The following NHLRC3 variants were observed in gnomAD, a reference collection of about 807,000 sequenced individuals.
The protein encoded by NHLRC3 is NHL repeat containing 3, also known as NHL repeat-containing protein 3.
Under a neutral mutation model 32.0 loss-of-function variants are expected in NHLRC3, and 23 were observed. The ratio of observed to expected loss-of-function variants is 0.72; its 90% CI spans 0.52 to 1.02. The LOEUF (loss-of-function observed/expected upper bound fraction) is 1.02. NHLRC3 is among the 50% of genes least tolerant of loss of function. NHLRC3 has a pLI of 0.00. For synonymous variants in NHLRC3, 159 were observed against 147.9 expected (o/e 1.08, Z -0.55); for missense variants, 407 against 406.8 (o/e 1.00, Z -0.01).
Position 39,038,990 on chromosome 13 carries a change from C to T in NHLRC3, c.85-146C>T. On this transcript the variant is annotated intron_variant, in intron 1 of 6. Coordinates refer to ENST00000379600, the MANE Select transcript of NHLRC3 (RefSeq NM_001012754.4). ...TCGTGTTGGTCTTTAGGCATCTAAG[C>T]TCATTTCTTTGGAATTATTTCAGTC... 1.3e-5 allele frequency: 9 copies of T among 682,484 alleles called. No individual in the cohort carries two copies. In the South Asian group the frequency reaches 1.7e-4, roughly 13 times the overall value. The allele number at this position is 682,484 out of a possible 1,614,324, so 42.3% of individuals were successfully genotyped here.
rs1257250553 is a variant in NHLRC3 at position 39,039,571 on chromosome 13, A to G, written c.245A>G (p.Asp82Gly). Residue 82 changes from aspartate to glycine, a missense_variant, in exon 3 of 7, where the codon GAT (aspartate) becomes GGT (glycine). By Grantham distance (94) the Asp-to-Gly change is moderately conservative. Coordinates refer to ENST00000379600, the MANE Select transcript of NHLRC3 (RefSeq NM_001012754.4). ...NGLVYIGQRG[D>G]NIPKILVFTE... ...TTTTTTGTATACCTTCAGAGAGGGG[A>G]TAACATCCCAAAGATATTAGTGTTC... 7 of 1,611,518 alleles carry G rather than the reference A, an allele frequency of 4.3e-6. No homozygotes were observed. The highest frequency in any genetic ancestry group is 5.1e-6 in the Non-Finnish European group (6 of 1,177,762).
intron 5 of NHLRC3, among the ~76,000 whole-genome samples, chr13:39,046,149 C>A (rs1354544071): frequency 6.6e-6 from 1 of 152,118 alleles, no homozygotes; most frequent in Non-Finnish European, 1.5e-5. Flanking sequence ...AACCCCATCT[C>A]TACTAAAAAT....
In NHLRC3 at chr13:39,039,187, T is replaced by C. The variant is rs775899420; in HGVS notation, c.136T>C (p.Tyr46His). Residue 46 changes from tyrosine (Y) to histidine (H), a missense_variant, in exon 2 of 7, where the codon TAC (tyrosine) becomes CAC (histidine). Coordinates refer to ENST00000379600, the MANE Select transcript of NHLRC3 (RefSeq NM_001012754.4). ...AVSWRTEKIL[Y>H]RLDVGWPKHP... ...TTCCTGGAGAACTGAGAAAATTCTT[T>C]ACCGGCTGGATGTGGGTTGGCCTAA... is the stretch of plus-strand genomic sequence containing the variant. 6.8e-6 allele frequency: 11 copies of C among 1,614,028 alleles called. No homozygotes were observed. The South Asian group carries it at 9.9e-5, about 14-fold the overall frequency.
intron 3 of NHLRC3, chr13:39,040,492 T>G (rs1319971120): frequency 6.6e-6 from 1 of 152,224 alleles, no homozygotes; most frequent in African/African-American, 2.4e-5. Flanking sequence ...GAAGCATGTC[T>G]GAAATCTTCC....
chr13:39,044,227 G>A, intron 5 of NHLRC3, 46 bp downstream of exon 5: 1 of 1,055,282 alleles, frequency 9.5e-7, no homozygotes, highest in Admixed American at 1.8e-5. Flanking sequence ...GTCTGAATAT[G>A]TTTGTGTGTG....
chr13:39,038,811 G>A, intron 1 of NHLRC3, 88 bp downstream of exon 1: 1 of 1,098,324 alleles, frequency 9.1e-7, no homozygotes, highest in Non-Finnish European at 1.4e-6. Context: ...GAGGTGGCAG[G>A]CCCTGGTTCC....
intron 4 of NHLRC3, 48 bp from the exon 5 acceptor site, chr13:39,044,042 T>G: frequency 5.5e-4 from 699 of 1,263,156 alleles, no homozygotes; most frequent in Middle Eastern, 7.4e-4. Context: ...TGCAAATGCA[T>G]GAGACATTCT....
intron 6 of NHLRC3, 34 bp from the exon 7 acceptor site, chr13:39,047,640 A>G: frequency 2.5e-6 from 4 of 1,573,472 alleles, no homozygotes; most frequent in Non-Finnish European, 2.6e-6. Context: ...GTTTTTTCAC[A>G]GACATTTATT....
Position 39,047,058 on chromosome 13 carries a change from G to A in NHLRC3, c.697G>A (p.Gly233Arg), listed in dbSNP as rs368861781. The A allele has an allele frequency of 2.5e-6, 4 of 1,610,806 alleles. No homozygotes were observed. The African/African-American group carries it at 5.4e-5, about 22-fold the overall frequency. Residue 233 changes from glycine (G) to arginine (R), a missense_variant, in exon 6 of 7, where the codon GGA becomes AGA. Transcript: ENST00000379600. ...SAGRVWVADR[G>R]NKRIQVFDKD... ...TTCTCAGGTGTGGGTTGCTGACCGAGGAAATAAAAGAATCCAAGTATTTGA... is the reference window on the plus strand; with the variant it reads ...TTCTCAGGTGTGGGTTGCTGACCGAAGAAATAAAAGAATCCAAGTATTTGA...
At chr13:39,045,993 C>T (rs1435152456) in intron 5 of NHLRC3, among the ~76,000 whole-genome samples, 2 of 152,136 alleles carry the variant, frequency 1.3e-5, no homozygotes, top group Non-Finnish European at 2.9e-5. Context: ...CACTCCCAGT[C>T]CATTCTTTCA....
intron 2 of NHLRC3, 29 bp from the exon 3 acceptor site, chr13:39,039,535 C>T (rs1871367456): frequency 6.3e-7 from 1 of 1,583,894 alleles, no homozygotes; most frequent in African/African-American, 1.4e-5. Context: ...TAAGCTGATC[C>T]TAAGAAGTTA....
intron 4 of NHLRC3, among the ~76,000 whole-genome samples, chr13:39,043,822 C>T (rs1348204027): frequency 6.6e-6 from 1 of 151,610 alleles, no homozygotes; most frequent in Non-Finnish European, 1.5e-5. Context: ...TGGCATAAAC[C>T]CTAAACAATG....
rs375131866 is a variant in NHLRC3 at position 39,042,146 on chromosome 13, G to A, written c.427G>A (p.Asp143Asn). ...TGTTAAAAAATACAGTTCTTTTGGT[G>A]ATCTTGTTCAAGTCTTGGGTACTCC... is the stretch of plus-strand genomic sequence containing the variant. ...HTVKKYSSFG[D>N]LVQVLGTPGK... Residue 143 changes from aspartate (D) to asparagine (N), a missense_variant, in exon 4 of 7, where the codon GAT becomes AAT. Physicochemically the swap from Asp to Asn is conservative, Grantham distance 23. Transcript: ENST00000379600. 1.9e-6 allele frequency: 3 copies of A among 1,611,530 alleles called. No individual in the cohort carries two copies. The highest frequency in any genetic ancestry group is 2.5e-6 in the Non-Finnish European group (3 of 1,177,876).
chr13:39,038,631 C>G lies in NHLRC3; in HGVS notation c.-9C>G, dbSNP rs752261050. 1.9e-5 allele frequency: 30 copies of G among 1,613,844 alleles called. No individual in the cohort carries two copies. Among genetic ancestry groups the G allele is most frequent in the Non-Finnish European group, 2.5e-5 (30 of 1,179,720 alleles). The stretch of plus-strand genomic sequence containing the variant: ...GCGGACCCTCCCTCTCCTGGCTTCC[C>G]GTCTGGTCATGGCGAGATTCTGGGT... On this transcript the variant is annotated 5_prime_UTR_variant, in exon 1 of 7. Transcript: ENST00000379600.
intron 5 of NHLRC3, 54 bp from the exon 6 acceptor site, chr13:39,046,986 C>T: frequency 2.8e-6 from 3 of 1,084,460 alleles, no homozygotes; most frequent in Non-Finnish European, 4.3e-6. Flanking sequence ...ACATTCTTTT[C>T]CCTTTTTTCT....
rs1593547769 is a variant in NHLRC3, at chr13:39,038,492, C to T, written c.-148C>T. Reference sequence around the variant, plus strand: ...TCTCTGTTCCCTTTCGTACTCAAAGCTCGTGCATCCAGGGAGGGGAAACCG... The same window carrying T: ...TCTCTGTTCCCTTTCGTACTCAAAGTTCGTGCATCCAGGGAGGGGAAACCG... On this transcript the variant is annotated 5_prime_UTR_variant, in exon 1 of 7. Transcript: ENST00000379600. 1.5e-6 allele frequency: 1 copy of T among 689,402 alleles called. No individual in the cohort carries two copies. 42.7% of individuals were successfully genotyped at this position (689,402 alleles called of 1,614,324 possible).
At chr13:39,038,818 T>G in intron 1 of NHLRC3, 95 bp downstream of exon 1, 1 of 1,017,956 alleles carries the variant, frequency 9.8e-7, no homozygotes, top group Non-Finnish European at 1.6e-6. Flanking sequence ...CAGGCCCTGG[T>G]TCCCTCAGTA....
chr13:39,042,374 A>G, intron 4 of NHLRC3, 69 bp downstream of exon 4: 1 of 1,018,734 alleles, frequency 9.8e-7, no homozygotes, highest in Non-Finnish European at 1.5e-6. Flanking sequence ...TATTTGGTAT[A>G]ATGTTTTAAG....
chr13:39,039,056 C>T (rs1283631243), intron 1 of NHLRC3, 80 bp from the exon 2 acceptor site: 2 of 929,602 alleles, frequency 2.2e-6, no homozygotes, highest in African/African-American at 3.2e-5. Context: ...AAAAATAAGC[C>T]CTGTTACCCG....
Sources: gnomAD v4.1 joint callset for allele counts (sites outside exome capture counted in the v4.1 genomes callset) on GRCh38, gnomAD v4.1.1 for gene constraint, MANE v1.5 for transcripts, NCBI Gene and HGNC (gene_info 2026-07-23, HGNC 2026-07-21) for gene names.